The following SEC61A1 variants were observed in gnomAD, a reference collection of about 807,000 sequenced individuals.
SEC61A1 encodes the protein SEC61 translocon subunit alpha 1.
In SEC61A1, 15 loss-of-function variants were observed where a neutral mutation model predicts 55.2. The ratio of observed to expected loss-of-function variants is 0.27; its 90% CI spans 0.18 to 0.42. The LOEUF (loss-of-function observed/expected upper bound fraction) is 0.42, where lower values mean the gene tolerates loss of function less well. Among genes scored for constraint, SEC61A1 ranks in the 10% least tolerant of loss-of-function variants. The pLI is 1.00. For missense variants in SEC61A1, 284 were observed against 602.6 expected (o/e 0.47, Z 5.53); for synonymous variants, 247 against 234.0 (o/e 1.06, Z -0.51).
chr3:128,058,201 A>ATTTTTTTTTTTTTTTTT (rs57508280), intron 5 of SEC61A1, among the ~76,000 whole-genome samples: 3 of 79,358 alleles, frequency 3.8e-5, no homozygotes, highest in African/African-American at 5.0e-5. Context: ...AAATACGTCT[A>ATTTTTTTTTTTTTTTTT]TTTTTTTTTT....
At position 128,065,055 on chromosome 3, in the gene SEC61A1, C is replaced by G. The variant is rs376489671; in HGVS notation, c.777+18C>G. The G allele has an allele frequency of 3.7e-6, 6 of 1,613,482 alleles. No homozygotes were observed. The African/African-American group carries it at 8.0e-5, about 22-fold the overall frequency. ...ATTTCCAGGTGTGTCCAGATCCAACCCCAGGGAGTTTCCATGGTCTGGATT... is the reference window on the plus strand; with the variant it reads ...ATTTCCAGGTGTGTCCAGATCCAACGCCAGGGAGTTTCCATGGTCTGGATT... On this transcript the variant is annotated intron_variant, in intron 8 of 11. Coordinates refer to ENST00000243253, the MANE Select transcript of SEC61A1 (RefSeq NM_013336.4).
chr3:128,056,854 T>C lies in SEC61A1; in HGVS notation c.352+14T>C. 2 of 1,542,890 alleles carry C rather than the reference T, an allele frequency of 1.3e-6. No homozygotes were observed. The highest frequency in any genetic ancestry group is 1.4e-5 in the African/African-American group (1 of 72,894). ...GAGCCCAAAAGTGTAAGAAAGATTG[T>C]GAATAATCTGATGTCTATAGTTGGA... On this transcript the variant is annotated intron_variant, in intron 5 of 11. Transcript: ENST00000243253.
At chr3:128,051,656 C>T, upstream of SEC61A1, 2 of 1,416,126 alleles carry the variant, frequency 1.4e-6, no homozygotes, top group Non-Finnish European at 1.8e-6. Flanking sequence ...CACCGCCATG[C>T]TTTGCCCACA....
intron 7 of SEC61A1, among the ~76,000 whole-genome samples, chr3:128,062,952 G>A (rs1941871783): frequency 6.6e-6 from 1 of 152,044 alleles, no homozygotes; most frequent in Non-Finnish European, 1.5e-5. Flanking sequence ...TACAGATTTG[G>A]GCCACCTCTC....
chr3:128,062,858 A>G (rs573201871), intron 7 of SEC61A1, among the ~76,000 whole-genome samples: 61 of 152,344 alleles, frequency 4.0e-4, no homozygotes, highest in African/African-American at 1.4e-3. Context: ...GACAGCATCC[A>G]GAGACACAAT....
chr3:128,055,741 C>T lies in SEC61A1; in HGVS notation c.210C>T (p.Ala70=), dbSNP rs142239205. 1.3e-5 allele frequency: 21 copies of T among 1,613,036 alleles called. No individual in the cohort carries two copies. The African/African-American group carries it at 2.1e-4, about 16-fold the overall frequency. ...TCTATTGGATGAGAGTGATTCTAGC[C>T]TCTAACAGAGGTAGGACTCTGGCTC... The part of the protein sequence containing the change: ...DPFYWMRVIL[A]SNRGTLMELG... The change falls in exon 4 of 12, where the codon GCC becomes GCT. Residue 70 remains alanine, a synonymous_variant. Transcript: ENST00000243253.
upstream of SEC61A1, chr3:128,052,034 G>A: frequency 2.6e-6 from 2 of 774,406 alleles, no homozygotes; most frequent in South Asian, 1.6e-5. Flanking sequence ...ATTCACTAAC[G>A]TCAAAGAGCA....
At chr3:128,051,737 C>A, upstream of SEC61A1, 1 of 1,488,088 alleles carries the variant, frequency 6.7e-7, no homozygotes, top group Non-Finnish European at 8.9e-7. Flanking sequence ...AAGGTACTCT[C>A]CCAGGAGGCC....
intron 7 of SEC61A1, among the ~76,000 whole-genome samples, chr3:128,062,473 G>A (rs753453508): frequency 3.9e-5 from 6 of 152,338 alleles, no homozygotes; most frequent in Non-Finnish European, 7.3e-5. Context: ...ATTTGAAACC[G>A]TGGGGAAACA....
At position 128,069,894 on chromosome 3, in the gene SEC61A1, G is replaced by T; in HGVS notation, c.*232G>T. 1 of 533,562 alleles carries T rather than the reference G, an allele frequency of 1.9e-6. No homozygotes were observed. Among genetic ancestry groups the T allele is most frequent in the Non-Finnish European group, 3.3e-6 (1 of 299,360 alleles). The allele number at this position is 533,562 out of a possible 1,614,324, so 33.1% of individuals were successfully genotyped here. ...TGAAATTTTATTCAGCCGACTGCCA[G>T]AGAAGTGGGAATGGTATAGGATTGT... On this transcript the variant is annotated 3_prime_UTR_variant, in exon 12 of 12. Coordinates refer to ENST00000243253, the MANE Select transcript of SEC61A1 (RefSeq NM_013336.4).
rs546778403 is a variant in SEC61A1, at chr3:128,054,001, G to C, written c.75+1099G>C. 2.0e-4 allele frequency among the ~76,000 whole-genome samples: 30 copies of C among 152,380 alleles called. 1 individual carries two copies. In the South Asian group the frequency reaches 4.8e-3, roughly 24 times the overall value. On this transcript the variant is annotated intron_variant, in intron 2 of 11. Coordinates refer to ENST00000243253, the MANE Select transcript of SEC61A1 (RefSeq NM_013336.4). ...GTTTGCAAAGGCATTGGTGACAAGA[G>C]TGTAGCATGTTTGGATGGGAGGTTA...
chr3:128,058,362 C>G (rs1033053776), intron 5 of SEC61A1, among the ~76,000 whole-genome samples: 2 of 151,954 alleles, frequency 1.3e-5, no homozygotes, highest in Admixed American at 1.3e-4. Flanking sequence ...GTGCCCGCCA[C>G]CACGCCCAGC....
chr3:128,066,649 T>C, intron 8 of SEC61A1: 1 of 394,784 alleles, frequency 2.5e-6, no homozygotes, highest in South Asian at 4.0e-5. Flanking sequence ...GTATCGAACT[T>C]CTGGGCTCAA....
chr3:128,052,461 G>T lies in SEC61A1; in HGVS notation c.-92G>T. The T allele has an allele frequency of 1.3e-6, 2 of 1,523,376 alleles. No homozygotes were observed. The highest frequency in any genetic ancestry group is 1.8e-6 in the Non-Finnish European group (2 of 1,135,584). 94.4% of individuals were successfully genotyped at this position (1,523,376 alleles called of 1,614,324 possible). A position where few individuals can be genotyped will look rare whatever the true frequency, so the allele number is the denominator to read the frequency against. On this transcript the variant is annotated 5_prime_UTR_variant, in exon 1 of 12. Coordinates refer to ENST00000243253, the MANE Select transcript of SEC61A1 (RefSeq NM_013336.4). The stretch of plus-strand genomic sequence containing the variant: ...TGACGTGTCTCTCGGCGGAGCTGCT[G>T]TGCAGTGGAACGCGCTGGGCCGCGG...
In SEC61A1 at chr3:128,057,389, C is replaced by T. The variant is rs532659184; in HGVS notation, c.352+549C>T. Among the ~76,000 whole-genome samples the T allele has an allele frequency of 6.6e-5, 10 of 152,238 alleles. No individual in the cohort carries two copies. The East Asian group carries it at 1.9e-3, about 29-fold the overall frequency. On this transcript the variant is annotated intron_variant, in intron 5 of 11. Coordinates refer to ENST00000243253, the MANE Select transcript of SEC61A1 (RefSeq NM_013336.4). ...GCAGGGGAGAGTGTCTGGAGTGCCC[C>T]TGAGGCCATGTAATGGAGGAGAAGG...
chr3:128,057,858 CAA>C (rs571637541), intron 5 of SEC61A1, among the ~76,000 whole-genome samples: 4 of 140,694 alleles, frequency 2.8e-5, no homozygotes, highest in East Asian at 2.0e-4. Context: ...AGACTTCTCT[CAA>C]AAAAAAAAAA....
intron 5 of SEC61A1, among the ~76,000 whole-genome samples, chr3:128,058,201 A>ATTCTT (rs1941800581): frequency 1.3e-5 from 1 of 79,358 alleles, no homozygotes; most frequent in Non-Finnish European, 2.2e-5. Flanking sequence ...AAATACGTCT[A>ATTCTT]TTTTTTTTTT....
At chr3:128,056,980 A>G (rs1941781380) in intron 5 of SEC61A1, 140 bp downstream of exon 5, 1 of 579,100 alleles carries the variant, frequency 1.7e-6, no homozygotes, top group South Asian at 6.2e-5. Flanking sequence ...TCTGTTGCCC[A>G]GGCTGGAGTG....
intron 8 of SEC61A1, 199 bp downstream of exon 8, chr3:128,065,236 C>A: frequency 3.0e-6 from 2 of 674,632 alleles, no homozygotes; most frequent in Non-Finnish European, 2.7e-6. Context: ...ATTAACGAAA[C>A]AAAATTAAGG....
Sources: gnomAD v4.1 joint callset for allele counts (sites outside exome capture counted in the v4.1 genomes callset) on GRCh38, gnomAD v4.1.1 for gene constraint, MANE v1.5 for transcripts, NCBI Gene and HGNC (gene_info 2026-07-23, HGNC 2026-07-21) for gene names.